The following SAMM50 variants were observed in gnomAD, a reference collection of about 807,000 sequenced individuals.
SAMM50 encodes sorting and assembly machinery component 50 homolog.
A neutral mutation model predicts 66.9 loss-of-function variants in SAMM50; 47 were observed. The ratio of observed to expected loss-of-function variants is 0.70; its 90% CI spans 0.56 to 0.90. The LOEUF is 0.90. Among genes scored for constraint, SAMM50 ranks in the 40% least tolerant of loss-of-function variants. SAMM50 has a pLI of 0.00. For missense variants in SAMM50, 535 were observed against 595.3 expected, an observed-to-expected ratio of 0.90 and a Z score of 1.05; for synonymous variants, 191 against 214.1, an observed-to-expected ratio of 0.89 and a Z score of 0.94.
At chr22:43,963,980 TC>T (rs2146807641) in intron 2 of SAMM50, among the ~76,000 whole-genome samples, 1 of 152,094 alleles carries the variant, frequency 6.6e-6, no homozygotes, top group African/African-American at 2.4e-5. Flanking sequence ...CAATCTTGGC[TC>T]ATTGCAACCT....
At chr22:43,971,883 A>G (rs2050205625) in intron 4 of SAMM50, among the ~76,000 whole-genome samples, 1 of 151,900 alleles carries the variant, frequency 6.6e-6, no homozygotes, top group Non-Finnish European at 1.5e-5. Context: ...GCTAATTTTT[A>G]AAATTTTTGT....
At chr22:43,967,293 C>T (rs2050178400) in intron 3 of SAMM50, among the ~76,000 whole-genome samples, 1 of 152,224 alleles carries the variant, frequency 6.6e-6, no homozygotes, top group African/African-American at 2.4e-5. Flanking sequence ...CATGGCATTG[C>T]CACAGCCGTC....
chr22:43,995,835 T>G (rs2050350486), intron 14 of SAMM50, among the ~76,000 whole-genome samples: 1 of 152,214 alleles, frequency 6.6e-6, no homozygotes, highest in Non-Finnish European at 1.5e-5. Context: ...GCATCCTTCC[T>G]TCCTGGGGTC....
intron 1 of SAMM50, among the ~76,000 whole-genome samples, chr22:43,957,537 C>T (rs560907398): frequency 1.3e-5 from 2 of 151,076 alleles, no homozygotes; most frequent in East Asian, 4.0e-4. Context: ...ATTCTCCTGC[C>T]TCAGCCTCCC....
In SAMM50 at chr22:43,976,178, C is replaced by G. The variant is rs908556538; in HGVS notation, c.772C>G (p.Leu258Val). Residue 258 changes from leucine to valine, a missense_variant, in exon 8 of 15, where the codon CTT (leucine) becomes GTT (valine). Transcript: ENST00000350028. ...AAGCGGACATTCACTGAAATCATCT[C>G]TTTCGGTAACGGTTTCTCTTAGTTG... Reference protein sequence around the residue: ...KESGHSLKSSLSHAMVIDSRN... With the variant: ...KESGHSLKSSVSHAMVIDSRN... 1 of 1,603,968 alleles carries G rather than the reference C, an allele frequency of 6.2e-7. No homozygotes were observed. Among genetic ancestry groups the G allele is most frequent in the African/African-American group, 1.3e-5 (1 of 74,774 alleles).
chr22:43,983,915 T>C lies in SAMM50; in HGVS notation c.1008-18T>C, dbSNP rs750010421. The C allele has an allele frequency of 1.3e-6, 2 of 1,590,934 alleles. No individual in the cohort carries two copies. The highest frequency in any genetic ancestry group is 2.7e-5 in the African/African-American group (2 of 73,504). On this transcript the variant is annotated intron_variant, in intron 11 of 14. Transcript: ENST00000350028. This position sits in a 1 kb window ranked among gnomAD's most constrained non-coding sequence, Gnocchi z 4.2. The stretch of plus-strand genomic sequence containing the variant: ...CACCTCCTGACTTTCCTCTGACCTG[T>C]GTGCTGTTTTGTCCTAGGTTTTACC...
chr22:43,980,167 C>CTCATCCATCCAT lies in SAMM50; in HGVS notation c.937-1224_937-1223insTCATCCATCCAT, dbSNP rs1569032141. On this transcript the variant is annotated intron_variant, in intron 10 of 14. Coordinates refer to ENST00000350028, the MANE Select transcript of SAMM50 (RefSeq NM_015380.5). Reference sequence around the variant, plus strand: ...ATCCATCCATCCATCCATCCATTCACCCACCCACCCACCCACCCATCCATC... The same window carrying CTCATCCATCCAT: ...ATCCATCCATCCATCCATCCATTCACTCATCCATCCATCCACCCACCCACCCACCCATCCATC... Among the ~76,000 whole-genome samples the CTCATCCATCCAT allele has an allele frequency of 3.6e-3, 10 of 2,744 alleles. 1 individual carries two copies. Among genetic ancestry groups the CTCATCCATCCAT allele is most frequent in the Admixed American group, 6.3e-3 (1 of 160 alleles). The allele number at this position is 2,744 out of a possible 152,430, so 1.8% of individuals were successfully genotyped here. A position where few individuals can be genotyped will look rare whatever the true frequency, so the allele number is the denominator to read the frequency against.
intron 13 of SAMM50, 82 bp downstream of exon 13, chr22:43,989,339 C>CT (rs34147065): frequency 0.2 from 192,467 of 977,952 alleles, 3,691 homozygotes; most frequent in African/African-American, 0.31. Context: ...AGGTGTCTGT[C>CT]TTTTTTTTTT....
intron 1 of SAMM50, among the ~76,000 whole-genome samples, chr22:43,958,075 C>G (rs1465736589): frequency 6.6e-6 from 1 of 152,170 alleles, no homozygotes; most frequent in Non-Finnish European, 1.5e-5. Flanking sequence ...TCTTGTTAGC[C>G]CTGTGAGGAT....
Position 43,996,507 on chromosome 22 carries a change from C to CA in SAMM50, c.*126dup. The CA allele has an allele frequency of 2.1e-6, 2 of 935,352 alleles. No homozygotes were observed. Among genetic ancestry groups the CA allele is most frequent in the South Asian group, 2.6e-5 (2 of 76,236 alleles). The allele number at this position is 935,352 out of a possible 1,614,324, so 57.9% of individuals were successfully genotyped here. On this transcript the variant is annotated 3_prime_UTR_variant, in exon 15 of 15. Coordinates refer to ENST00000350028, the MANE Select transcript of SAMM50 (RefSeq NM_015380.5). The stretch of plus-strand genomic sequence containing the variant: ...CTGCGGACCCTGTGGGAAACCCCGT[C>CA]AATAAATGTTAAAGACACACTCCGA...
Position 43,989,165 on chromosome 22 carries a change from CATT to C in SAMM50, c.1132_1134del (p.Leu378del), listed in dbSNP as rs1196204832. On this transcript the variant is annotated inframe_deletion, in exon 13 of 15. Coordinates refer to ENST00000350028, the MANE Select transcript of SAMM50 (RefSeq NM_015380.5). The stretch of plus-strand genomic sequence containing the variant: ...GCCGGCGGCCTGCACCTCTACACCC[CATT>C]ACCTTTCCGGCCAGGCCAGGGTGGC... 1 of 1,614,180 alleles carries C rather than the reference CATT, an allele frequency of 6.2e-7. No individual in the cohort carries two copies. The highest frequency in any genetic ancestry group is 1.6e-4 in the Middle Eastern group (1 of 6,062).
At chr22:43,985,927 CA>C (rs1569034416) in intron 12 of SAMM50, among the ~76,000 whole-genome samples, 1 of 151,000 alleles carries the variant, frequency 6.6e-6, no homozygotes, top group Admixed American at 6.6e-5. Context: ...AAGCTTTGGA[CA>C]TTGAGTTTGT....
intron 12 of SAMM50, among the ~76,000 whole-genome samples, chr22:43,984,659 C>T (rs533598333): frequency 8.0e-5 from 12 of 150,650 alleles, no homozygotes; most frequent in South Asian, 2.1e-4. Flanking sequence ...GACAGAGTCT[C>T]GCTCTGTCGC....
chr22:43,996,285 G>A (rs1255159886), intron 14 of SAMM50, 53 bp from the exon 15 acceptor site: 24 of 1,596,214 alleles, frequency 1.5e-5, no homozygotes, highest in Non-Finnish European at 2.1e-5. Context: ...GAGTCGTGAA[G>A]ATGGCAGGGC....
intron 3 of SAMM50, among the ~76,000 whole-genome samples, chr22:43,967,037 C>G (rs570046768): frequency 6.6e-6 from 1 of 152,260 alleles, no homozygotes; most frequent in African/African-American, 2.4e-5. Context: ...GCTTTGGTGA[C>G]CATTTTCCTG....
chr22:43,996,262 G>A, intron 14 of SAMM50, 76 bp from the exon 15 acceptor site: 1 of 1,510,182 alleles, frequency 6.6e-7, no homozygotes, highest in Non-Finnish European at 9.2e-7. Flanking sequence ...CTTCTGAGAG[G>A]CGCATGCTCA....
intron 14 of SAMM50, 78 bp from the exon 15 acceptor site, chr22:43,996,260 A>C: frequency 6.7e-7 from 1 of 1,498,832 alleles, no homozygotes; most frequent in Non-Finnish European, 9.3e-7. Context: ...ACCTTCTGAG[A>C]GGCGCATGCT....
At chr22:43,961,174 C>T (rs760890968) in intron 1 of SAMM50, among the ~76,000 whole-genome samples, 2 of 152,182 alleles carry the variant, frequency 1.3e-5, no homozygotes, top group Non-Finnish European at 2.9e-5. Context: ...ATGTTAAACA[C>T]ACACTTTAAA....
At chr22:43,968,662 G>A (rs190785791) in intron 3 of SAMM50, 69 bp from the exon 4 acceptor site, 34 of 1,091,816 alleles carry the variant, frequency 3.1e-5, no homozygotes, top group Non-Finnish European at 4.7e-5. Context: ...GCCTCGCCGT[G>A]TGGCTGCCAT....
Sources: allele counts gnomAD v4.1 joint callset (sites outside exome capture counted in the v4.1 genomes callset), GRCh38; gene constraint gnomAD v4.1.1; non-coding constraint Gnocchi (gnomAD v3.1); transcripts MANE v1.5; gene names NCBI Gene and HGNC (gene_info 2026-07-23, HGNC 2026-07-21).